Variants in HAVCR1 observed in about 807,000 individuals in gnomAD.
The protein encoded by HAVCR1 is hepatitis A virus cellular receptor 1.
In HAVCR1, 34 loss-of-function variants were observed where a neutral mutation model predicts 32.0. The ratio of observed to expected loss-of-function variants is 1.06; its 90% CI spans 0.81 to 1.42. The LOEUF (loss-of-function observed/expected upper bound fraction) is 1.42. HAVCR1 is among the 40% of genes most tolerant of loss of function. The pLI is 0.00. For missense variants in HAVCR1, 420 were observed against 442.3 expected, an observed-to-expected ratio of 0.95 and a Z score of 0.45; for synonymous variants, 178 against 170.3, an observed-to-expected ratio of 1.05 and a Z score of -0.35.
chr5:157,054,243 T>C (rs1755975441), intron 3 of HAVCR1, among the ~76,000 whole-genome samples: 1 of 148,722 alleles, frequency 6.7e-6, no homozygotes. Flanking sequence ...CTTACACCTG[T>C]AATCCCAGCA....
intron 7 of HAVCR1, among the ~76,000 whole-genome samples, chr5:157,035,262 T>A (rs554816800): frequency 6.6e-6 from 1 of 152,200 alleles, no homozygotes; most frequent in Admixed American, 6.6e-5. Flanking sequence ...AATTTCTAAA[T>A]AACTTTGACT....
chr5:157,041,013 G>T (rs1754859915), intron 6 of HAVCR1, among the ~76,000 whole-genome samples: 1 of 152,100 alleles, frequency 6.6e-6, no homozygotes, highest in Admixed American at 6.6e-5. Flanking sequence ...CATACTAAAA[G>T]GCAGATTGTT....
At chr5:157,063,398 AC>A (rs1756533014), upstream of HAVCR1, among the ~76,000 whole-genome samples, 1 of 149,794 alleles carries the variant, frequency 6.7e-6, no homozygotes, top group South Asian at 2.1e-4. Flanking sequence ...CGATTCTCCT[AC>A]CTCAGCCTCC....
At chr5:157,033,917 G>T (rs1288249037) in intron 7 of HAVCR1, among the ~76,000 whole-genome samples, 8 of 152,134 alleles carry the variant, frequency 5.3e-5, no homozygotes, top group Admixed American at 5.2e-4. Context: ...TTCGGGTGTG[G>T]TGGCACGAGC....
rs1340008221 is a variant in HAVCR1 at position 157,044,690 on chromosome 5, A to AGGGAGGG, written c.782-2009_782-2008insCCCTCCC. 6.0e-4 allele frequency among the ~76,000 whole-genome samples: 83 copies of AGGGAGGG among 139,464 alleles called. 1 individual carries two copies. Among genetic ancestry groups the AGGGAGGG allele is most frequent in the African/African-American group, 1.1e-3 (40 of 37,616 alleles). 91.5% of individuals were successfully genotyped at this position (139,464 alleles called of 152,430 possible). On this transcript the variant is annotated intron_variant, in intron 5 of 8. Coordinates refer to ENST00000523175, the MANE Select transcript of HAVCR1 (RefSeq NM_001173393.3). ...GAAAGAAAGAAAGGAGGGAGGGAGGAAGGAAGGAAGGAAGGAGAAAAGAAA... is the reference window on the plus strand; with the variant it reads ...GAAAGAAAGAAAGGAGGGAGGGAGGAGGGAGGGAGGAAGGAAGGAAGGAGAAAAGAAA...
intron 6 of HAVCR1, among the ~76,000 whole-genome samples, chr5:157,041,298 G>C (rs1754877708): frequency 6.6e-6 from 1 of 152,086 alleles, no homozygotes; most frequent in African/African-American, 2.4e-5. Flanking sequence ...AGAAGTTCAA[G>C]ACCAGCCTGG....
chr5:157,052,346 A>G lies in HAVCR1; in HGVS notation c.673+15T>C. 1 of 1,612,912 alleles carries G rather than the reference A, an allele frequency of 6.2e-7. No individual in the cohort carries two copies. The highest frequency in any genetic ancestry group is 8.5e-7 in the Non-Finnish European group (1 of 1,178,926). On this transcript the variant is annotated intron_variant, in intron 4 of 8. Transcript: ENST00000523175. ...CATTAGAAGGCCTTTGGGCTTCCAA[A>G]CACATCTGTTTTACCTGGTTCATGG...
At chr5:157,062,402 T>A (rs539494096), upstream of HAVCR1, among the ~76,000 whole-genome samples, 360 of 152,138 alleles carry the variant, frequency 2.4e-3, no homozygotes, top group Middle Eastern at 6.8e-3. Flanking sequence ...GAAAAGAAAA[T>A]AATTCACTGT....
chr5:157,050,972 C>A (rs1755698544), intron 4 of HAVCR1, among the ~76,000 whole-genome samples: 1 of 152,122 alleles, frequency 6.6e-6, no homozygotes, highest in African/African-American at 2.4e-5. Context: ...ATTTGTTACT[C>A]CTCAGAATCC....
rs145893046 is a variant in HAVCR1 at position 157,052,391 on chromosome 5, T to C, written c.643A>G (p.Met215Val). Residue 215 changes from methionine to valine, a missense_variant, in exon 4 of 9, where the codon ATG becomes GTG. By Grantham distance (21) the Met-to-Val change is conservative. Transcript: ENST00000523175. The part of the protein sequence containing the change: ...TTTVSTFVPP[M>V]PLPRQNHEPV... ...TCATGGTTCTGCCTGGGCAAAGGCA[T>C]TGGAGGAACAAAGGTAGAGACAGTT... 85 of 1,614,124 alleles carry C rather than the reference T, an allele frequency of 5.3e-5. No individual in the cohort carries two copies. The highest frequency in any genetic ancestry group is 3.3e-4 in the Middle Eastern group (2 of 6,060).
chr5:157,033,032 C>G, intron 7 of HAVCR1, 145 bp from the exon 8 acceptor site: 2 of 565,796 alleles, frequency 3.5e-6, no homozygotes, highest in East Asian at 5.9e-5. Flanking sequence ...CTTCCCATGT[C>G]CCTTTTGATT....
At chr5:157,047,252 T>A (rs1755458715) in intron 5 of HAVCR1, among the ~76,000 whole-genome samples, 1 of 152,072 alleles carries the variant, frequency 6.6e-6, no homozygotes, top group African/African-American at 2.4e-5. Context: ...TCTTGAAGTT[T>A]CCATAAAAAC....
At chr5:157,041,952 T>C (rs890124672) in intron 6 of HAVCR1, among the ~76,000 whole-genome samples, 4 of 150,756 alleles carry the variant, frequency 2.7e-5, no homozygotes, top group Non-Finnish European at 4.4e-5. Flanking sequence ...CCAACTACTC[T>C]GGAGGCCGAG....
chr5:157,045,176 T>C (rs1394058565), intron 5 of HAVCR1, among the ~76,000 whole-genome samples: 1 of 152,078 alleles, frequency 6.6e-6, no homozygotes, highest in Non-Finnish European at 1.5e-5. Flanking sequence ...AGAAAAATTA[T>C]AGAAATAAAC....
chr5:157,050,238 CAG>C (rs1755658225), intron 4 of HAVCR1, among the ~76,000 whole-genome samples: 1 of 152,168 alleles, frequency 6.6e-6, no homozygotes, highest in African/African-American at 2.4e-5. Context: ...GAACGAAAAA[CAG>C]AACAACACAG....
chr5:157,064,869 A>AAAAAAAC, the HAVCR1 span, among the ~76,000 whole-genome samples: 6 of 152,166 alleles, frequency 3.9e-5, no homozygotes, highest in Non-Finnish European at 7.3e-5. Flanking sequence ...CTCCATCTCA[A>AAAAAAAC]AAAAAACAAA....
chr5:157,040,163 T>C (rs76566293), intron 6 of HAVCR1, among the ~76,000 whole-genome samples: 2 of 152,032 alleles, frequency 1.3e-5, no homozygotes, highest in East Asian at 1.9e-4. Flanking sequence ...CCAGGCCTGG[T>C]GGCAGGTGCC....
chr5:157,045,333 CTA>C (rs1755327134), intron 5 of HAVCR1, among the ~76,000 whole-genome samples: 1 of 152,030 alleles, frequency 6.6e-6, no homozygotes, highest in Non-Finnish European at 1.5e-5. Flanking sequence ...GAACTACAAC[CTA>C]TTAATAGTAC....
intron 5 of HAVCR1, among the ~76,000 whole-genome samples, chr5:157,047,295 T>C (rs946424706): frequency 2.0e-5 from 3 of 152,154 alleles, no homozygotes; most frequent in Non-Finnish European, 4.4e-5. Flanking sequence ...CTCACGCCTG[T>C]AATCTCAACA....
Sources: allele counts gnomAD v4.1 joint callset (sites outside exome capture counted in the v4.1 genomes callset), GRCh38; gene constraint gnomAD v4.1.1; transcripts MANE v1.5; gene names NCBI Gene and HGNC (gene_info 2026-07-23, HGNC 2026-07-21).